MARCHF11: variants seen among roughly 807,000 people sequenced by gnomAD.
The protein encoded by MARCHF11 is E3 ubiquitin-protein ligase MARCHF11.
Under a neutral mutation model 37.3 loss-of-function variants are expected in MARCHF11, and 29 were observed. The observed-to-expected ratio is 0.78, with a 90% CI of 0.58 to 1.06. The LOEUF (loss-of-function observed/expected upper bound fraction) is 1.06, where lower values mean the gene tolerates loss of function less well. Among genes scored for constraint, MARCHF11 ranks in the 50% least tolerant of loss-of-function variants. The probability of loss-of-function intolerance (pLI) is 0.00; values close to 1 mark genes in which losing one functional copy is unlikely to be tolerated. For synonymous variants in MARCHF11, 233 were observed against 228.0 expected (o/e 1.02, Z -0.20); for missense variants, 482 against 533.4 (o/e 0.90, Z 0.95).
rs1261537615 is a variant in MARCHF11 at position 16,067,700 on chromosome 5, G to C, written c.980C>G (p.Ala327Gly). The change falls in exon 4 of 4, where the codon GCC becomes GGC. Residue 327 changes from alanine to glycine, a missense_variant. Transcript: ENST00000332432. The part of the protein sequence containing the change: ...LHWDVLNYDK[A>G]TDIEESSRGE... ...CCGGCTGCTTTCTTCGATGTCTGTGGCTTTGTCATAATTTAACACATCCCA... is the reference window on the plus strand; with the variant it reads ...CCGGCTGCTTTCTTCGATGTCTGTGCCTTTGTCATAATTTAACACATCCCA... The C allele has an allele frequency of 6.2e-7, 1 of 1,613,772 alleles. No individual in the cohort carries two copies. Among genetic ancestry groups the C allele is most frequent in the East Asian group, 2.2e-5 (1 of 44,882 alleles).
intron 3 of MARCHF11, among the ~76,000 whole-genome samples, chr5:16,069,283 C>T (rs1736397931): frequency 6.6e-6 from 1 of 152,064 alleles, no homozygotes; most frequent in African/African-American, 2.4e-5. Context: ...TTAATAAAGA[C>T]ACACACATAT....
At chr5:16,125,255 T>C (rs1560982100) in intron 2 of MARCHF11, among the ~76,000 whole-genome samples, 1 of 151,372 alleles carries the variant, frequency 6.6e-6, no homozygotes, top group East Asian at 1.9e-4. Flanking sequence ...CATCTGATGT[T>C]TGAACTGAAT....
intron 2 of MARCHF11, among the ~76,000 whole-genome samples, chr5:16,157,630 C>G (rs1737999126): frequency 6.6e-6 from 1 of 151,782 alleles, no homozygotes; most frequent in African/African-American, 2.4e-5. Context: ...AAGTGAATAT[C>G]TCCATGCAAA....
At chr5:16,171,847 C>T (rs758937467) in intron 2 of MARCHF11, among the ~76,000 whole-genome samples, 8 of 152,148 alleles carry the variant, frequency 5.3e-5, no homozygotes, top group Non-Finnish European at 8.8e-5. Flanking sequence ...ACCCATAAGT[C>T]GACCCATTTC....
chr5:16,094,186 A>G (rs1300220841), intron 2 of MARCHF11, among the ~76,000 whole-genome samples: 1 of 152,120 alleles, frequency 6.6e-6, no homozygotes, highest in East Asian at 1.9e-4. Context: ...TATGTGCAAA[A>G]AGGAGGGTTG....
chr5:16,108,351 C>T (rs913605202), intron 2 of MARCHF11, among the ~76,000 whole-genome samples: 3 of 152,372 alleles, frequency 2.0e-5, no homozygotes, highest in African/African-American at 7.2e-5. Context: ...CAGAGAGCCA[C>T]ACCCCTGTCG....
chr5:16,068,539 CTT>C (rs2126541357), intron 3 of MARCHF11, among the ~76,000 whole-genome samples: 1 of 152,296 alleles, frequency 6.6e-6, no homozygotes, highest in East Asian at 1.9e-4. Context: ...GGTCCTTGCT[CTT>C]TGCTGCTATA....
At chr5:16,115,368 T>C (rs747863177) in intron 2 of MARCHF11, among the ~76,000 whole-genome samples, 14 of 152,170 alleles carry the variant, frequency 9.2e-5, no homozygotes, top group Non-Finnish European at 2.1e-4. Flanking sequence ...AGGACGACTG[T>C]CAAGTGAGCC....
chr5:16,166,997 CATTT>C (rs1738180792), intron 2 of MARCHF11, among the ~76,000 whole-genome samples: 1 of 147,996 alleles, frequency 6.8e-6, no homozygotes, highest in Non-Finnish European at 1.5e-5. Flanking sequence ...CAACGATGTT[CATTT>C]ACTTATGAAC....
chr5:16,114,809 T>G (rs954536890), intron 2 of MARCHF11, among the ~76,000 whole-genome samples: 1 of 152,002 alleles, frequency 6.6e-6, no homozygotes. Flanking sequence ...ACTTTTATAA[T>G]CAAGAAGAAA....
chr5:16,072,732 T>C (rs28701682), intron 3 of MARCHF11, among the ~76,000 whole-genome samples: 8,269 of 152,142 alleles, frequency 0.054, 286 homozygotes, highest in East Asian at 0.11. Flanking sequence ...TGCACTCCTT[T>C]GTGGTTTCAT....
chr5:16,079,625 A>G (rs1736573713), intron 3 of MARCHF11, among the ~76,000 whole-genome samples: 1 of 152,152 alleles, frequency 6.6e-6, no homozygotes, highest in African/African-American at 2.4e-5. Flanking sequence ...GTGCTCAGTC[A>G]TGCCCAGTGA....
intron 2 of MARCHF11, among the ~76,000 whole-genome samples, chr5:16,167,426 C>T (rs538810547): frequency 1.3e-3 from 194 of 152,150 alleles, no homozygotes; most frequent in Non-Finnish European, 1.4e-3. Context: ...AATGATGTTC[C>T]AGCATGAAAA....
intron 2 of MARCHF11, among the ~76,000 whole-genome samples, chr5:16,096,821 G>A (rs907291197): frequency 1.3e-5 from 2 of 152,120 alleles, no homozygotes; most frequent in African/African-American, 2.4e-5. Flanking sequence ...AGAAAAAGGT[G>A]GACCTTTCTG....
chr5:16,142,967 C>T (rs550195671), intron 2 of MARCHF11, among the ~76,000 whole-genome samples: 11 of 143,086 alleles, frequency 7.7e-5, no homozygotes, highest in Non-Finnish European at 1.7e-4. Context: ...CTTGAACTCC[C>T]GACCTCAGGT....
rs191906252 is a variant in MARCHF11 at position 16,105,078 on chromosome 5, T to C, written c.694-13997A>G. Among the ~76,000 whole-genome samples the C allele has an allele frequency of 3.3e-3, 499 of 152,384 alleles. 4 individuals carry two copies. The highest frequency in any genetic ancestry group is 4.6e-3 in the Non-Finnish European group (310 of 68,032). On this transcript the variant is annotated intron_variant, in intron 2 of 3. Coordinates refer to ENST00000332432, the MANE Select transcript of MARCHF11 (RefSeq NM_001102562.3). The stretch of plus-strand genomic sequence containing the variant: ...CTAGCCCTTCACTTCTGGAGGCTTC[T>C]AGACGAAGTCTGATGGAAGAATAAT...
chr5:16,101,674 G>A (rs774209495), intron 2 of MARCHF11, among the ~76,000 whole-genome samples: 3 of 152,088 alleles, frequency 2.0e-5, no homozygotes, highest in Non-Finnish European at 2.9e-5. Context: ...ATTAGTAGGC[G>A]GTCATAACTA....
chr5:16,098,852 C>A (rs1736911617), intron 2 of MARCHF11, among the ~76,000 whole-genome samples: 1 of 151,356 alleles, frequency 6.6e-6, no homozygotes, highest in Non-Finnish European at 1.5e-5. Flanking sequence ...AGTGAAATTA[C>A]AGAAACAATA....
chr5:16,144,390 C>T (rs3906901), intron 2 of MARCHF11, among the ~76,000 whole-genome samples: 32,933 of 152,040 alleles, frequency 0.22, 3,828 homozygotes, highest in South Asian at 0.32. Flanking sequence ...TTATTCGTCG[C>T]GATGTTCAGC....
Sources: gnomAD v4.1 joint callset for allele counts (sites outside exome capture counted in the v4.1 genomes callset) on GRCh38, gnomAD v4.1.1 for gene constraint, MANE v1.5 for transcripts, NCBI Gene and HGNC (gene_info 2026-07-23, HGNC 2026-07-21) for gene names.